Variants in EBF3 observed in about 807,000 individuals in gnomAD.
The protein encoded by EBF3 is transcription factor COE3.
EBF3 carries 18 observed loss-of-function variants against 77.1 expected under a neutral mutation model. The observed-to-expected ratio is 0.23, with a 90% CI of 0.16 to 0.35. The LOEUF (loss-of-function observed/expected upper bound fraction) is 0.35. EBF3 is among the 10% of genes least tolerant of loss of function. The pLI, the probability that EBF3 is intolerant of heterozygous loss-of-function variation, is 1.00. For synonymous variants in EBF3, 350 were observed against 343.5 expected (o/e 1.02, Z -0.21); for missense variants, 558 against 860.0 (o/e 0.65, Z 4.39).
rs1853542100 is a variant in EBF3, at chr10:129,885,899, C to T, written c.555-8050G>A. 6.6e-6 allele frequency among the ~76,000 whole-genome samples: 1 copy of T among 152,324 alleles called. No individual in the cohort carries two copies. The highest frequency in any genetic ancestry group is 1.9e-4 in the East Asian group (1 of 5,186). Reference sequence around the variant, plus strand: ...TATCCCAACTTAGGGTTTCAAGCCTCTCCCACCATACGCGTGTGTGTTTTT... The same window carrying T: ...TATCCCAACTTAGGGTTTCAAGCCTTTCCCACCATACGCGTGTGTGTTTTT... On this transcript the variant is annotated intron_variant, in intron 6 of 16. Coordinates refer to ENST00000440978, the MANE Select transcript of EBF3 (RefSeq NM_001375380.1). The surrounding 1 kb of genome is among the most constrained non-coding windows in gnomAD (Gnocchi z 4.0).
At chr10:129,949,186 A>G (rs1858469231) in intron 6 of EBF3, among the ~76,000 whole-genome samples, 1 of 152,212 alleles carries the variant, frequency 6.6e-6, no homozygotes, top group East Asian at 1.9e-4. Context: ...CTGTAATCCC[A>G]GCTACTCGGT....
intron 6 of EBF3, among the ~76,000 whole-genome samples, chr10:129,911,271 C>T (rs1014282790): frequency 2.6e-5 from 4 of 152,230 alleles, no homozygotes; most frequent in Non-Finnish European, 5.9e-5. Context: ...CCTGGCCTGA[C>T]AGGTGCAGAG....
intron 10 of EBF3, among the ~76,000 whole-genome samples, chr10:129,851,170 C>T (rs1564824828): frequency 6.6e-6 from 1 of 152,240 alleles, no homozygotes; most frequent in East Asian, 1.9e-4. Context: ...TTCAAACTGT[C>T]AGCACTGGTT....
rs1284481718 is a variant in EBF3, at chr10:129,878,837, A to AG, written c.555-989_555-988insC. 1.0e-3 allele frequency among the ~76,000 whole-genome samples: 151 copies of AG among 150,668 alleles called. 2 individuals carry two copies. In the Middle Eastern group the frequency reaches 0.01, roughly 10 times the overall value. ...AAAATCGGTCTCAAAAAAAAAAAAA[A>AG]AAAAAAAAATCTAAGAACTGATTGG... On this transcript the variant is annotated intron_variant, in intron 6 of 16. Coordinates refer to ENST00000440978, the MANE Select transcript of EBF3 (RefSeq NM_001375380.1).
At chr10:129,875,867 T>C (rs1472838346) in intron 7 of EBF3, among the ~76,000 whole-genome samples, 1 of 152,212 alleles carries the variant, frequency 6.6e-6, no homozygotes, top group African/African-American at 2.4e-5. Context: ...GGTGCCCCCC[T>C]TGTGTTCTAC....
At chr10:129,840,528 G>C in intron 14 of EBF3, 86 bp from the exon 15 acceptor site, 2 of 1,426,606 alleles carry the variant, frequency 1.4e-6, no homozygotes, top group South Asian at 2.6e-5. Flanking sequence ...CTCGGACGGG[G>C]GGGCAGGGGC....
intron 6 of EBF3, among the ~76,000 whole-genome samples, chr10:129,908,544 C>T (rs1349810861): frequency 6.6e-6 from 1 of 152,210 alleles, no homozygotes; most frequent in Non-Finnish European, 1.5e-5. Context: ...CGGGATATAC[C>T]TGAATAGGGT....
rs759116741 is a variant in EBF3, at chr10:129,873,574, T to C, written c.659A>G (p.Asn220Ser). 1.0e-5 allele frequency: 16 copies of C among 1,560,014 alleles called. No individual in the cohort carries two copies. The highest frequency in any genetic ancestry group is 9.6e-5 in the African/African-American group (7 of 72,834). Residue 220 changes from asparagine to serine, a missense_variant, in exon 8 of 17, where the codon AAC (asparagine) becomes AGC (serine). Physicochemically the swap from Asn to Ser is conservative, Grantham distance 46. This residue lies in a region of EBF3 where 112 missense variants were observed against 207.7 expected (regional missense o/e 0.54). Coordinates refer to ENST00000440978, the MANE Select transcript of EBF3 (RefSeq NM_001375380.1). ...RFQVVVSTTV[N>S]VDGHVLAVSD... ...CACGGCCAGCACGTGGCCGTCCACG[T>C]TGACTGTTGTCGATACAACAACCTG...
rs1441434797 is a variant in EBF3, at chr10:129,861,890, G to A, written c.1039+5251C>T. ...CAAGTAATTTGTTTGAGGAGCACCGGCCTGGGAGACAGCAAGCTGGGGCTG... is the reference window on the plus strand; with the variant it reads ...CAAGTAATTTGTTTGAGGAGCACCGACCTGGGAGACAGCAAGCTGGGGCTG... On this transcript the variant is annotated intron_variant, in intron 10 of 16. Coordinates refer to ENST00000440978, the MANE Select transcript of EBF3 (RefSeq NM_001375380.1). This position sits in a 1 kb window ranked among gnomAD's most constrained non-coding sequence, Gnocchi z 4.3. Among the ~76,000 whole-genome samples, 2 of 152,222 alleles carry A rather than the reference G, an allele frequency of 1.3e-5. No individual in the cohort carries two copies. The highest frequency in any genetic ancestry group is 2.9e-5 in the Non-Finnish European group (2 of 68,042).
At chr10:129,932,076 G>T (rs570626839) in intron 6 of EBF3, among the ~76,000 whole-genome samples, 1 of 152,228 alleles carries the variant, frequency 6.6e-6, no homozygotes, top group South Asian at 2.1e-4. Context: ...TCCCAGAGGA[G>T]CAGAGGTGAG....
chr10:129,893,944 C>T (rs1042437614), intron 6 of EBF3, among the ~76,000 whole-genome samples: 3 of 152,182 alleles, frequency 2.0e-5, no homozygotes, highest in African/African-American at 4.8e-5. Flanking sequence ...AGCCACCCTC[C>T]GTTTGGGGTG....
intron 6 of EBF3, among the ~76,000 whole-genome samples, chr10:129,922,768 T>C (rs1307065615): frequency 2.0e-5 from 3 of 152,214 alleles, no homozygotes; most frequent in Non-Finnish European, 4.4e-5. Flanking sequence ...GGCTGGGGGC[T>C]GACGGGACCA....
rs556220161 is a variant in EBF3 at position 129,935,984 on chromosome 10, C to A, written c.554+21274G>T. On this transcript the variant is annotated intron_variant, in intron 6 of 16. Transcript: ENST00000440978. The surrounding 1 kb of genome is among the most constrained non-coding windows in gnomAD (Gnocchi z 4.2). ...CGGGGGGCTTCCTGAAGCTGCCCCCCCCGCCCAACAATGCAGCTGGTGCCC... is the reference window on the plus strand; with the variant it reads ...CGGGGGGCTTCCTGAAGCTGCCCCCACCGCCCAACAATGCAGCTGGTGCCC... 5.0e-3 allele frequency among the ~76,000 whole-genome samples: 753 copies of A among 150,884 alleles called. 2 individuals are homozygous for A. The highest frequency in any genetic ancestry group is 0.017 in the Middle Eastern group (5 of 294).
rs1206261719 is a variant in EBF3, at chr10:129,863,058, T to G, written c.1039+4083A>C. Among the ~76,000 whole-genome samples, 1 of 152,228 alleles carries G rather than the reference T, an allele frequency of 6.6e-6. No homozygotes were observed. ...CAGCAAATATCTCATTAATTTAATT[T>G]TAGGTGCCCACCAGTTTATATTGCA... On this transcript the variant is annotated intron_variant, in intron 10 of 16. Coordinates refer to ENST00000440978, the MANE Select transcript of EBF3 (RefSeq NM_001375380.1). The surrounding 1 kb of genome is among the most constrained non-coding windows in gnomAD (Gnocchi z 4.0).
At position 129,948,273 on chromosome 10, in the gene EBF3, A is replaced by C. The variant is rs1443870003; in HGVS notation, c.554+8985T>G. ...AAACTCCGTCTCAAAAAAAAAAAAA[A>C]AAAAAAAAAAAAGCAGCAGCAGCTA... is the stretch of plus-strand genomic sequence containing the variant. On this transcript the variant is annotated intron_variant, in intron 6 of 16. Coordinates refer to ENST00000440978, the MANE Select transcript of EBF3 (RefSeq NM_001375380.1). Among the ~76,000 whole-genome samples the C allele has an allele frequency of 9.6e-5, 14 of 145,468 alleles. 1 individual carries two copies. Among genetic ancestry groups the C allele is most frequent in the African/African-American group, 2.9e-4 (12 of 40,730 alleles).
intron 6 of EBF3, among the ~76,000 whole-genome samples, chr10:129,953,636 C>T (rs1308404975): frequency 1.3e-5 from 2 of 152,244 alleles, no homozygotes; most frequent in Admixed American, 6.5e-5. Flanking sequence ...CCGCTCCCAG[C>T]GCTGCATGGA....
chr10:129,955,554 G>GGAAT (rs1272871290), intron 6 of EBF3, among the ~76,000 whole-genome samples: 1 of 152,120 alleles, frequency 6.6e-6, no homozygotes, highest in African/African-American at 2.4e-5. Flanking sequence ...CGAGAATTAA[G>GGAAT]GAATATATTT....
rs1851805424 is a variant in EBF3 at position 129,863,811 on chromosome 10, C to T, written c.1039+3330G>A. Among the ~76,000 whole-genome samples the T allele has an allele frequency of 6.6e-6, 1 of 152,208 alleles. No homozygotes were observed. Among genetic ancestry groups the T allele is most frequent in the Admixed American group, 6.5e-5 (1 of 15,280 alleles). On this transcript the variant is annotated intron_variant, in intron 10 of 16. Coordinates refer to ENST00000440978, the MANE Select transcript of EBF3 (RefSeq NM_001375380.1). The surrounding 1 kb of genome is among the most constrained non-coding windows in gnomAD (Gnocchi z 4.0). ...TCATGACCCTACCTTTCCTCTGCTC[C>T]CCAGCCTGTAGAGCCTGTATCCCTT... is the stretch of plus-strand genomic sequence containing the variant.
intron 7 of EBF3, among the ~76,000 whole-genome samples, chr10:129,875,523 C>T (rs1852713592): frequency 6.6e-6 from 1 of 152,210 alleles, no homozygotes; most frequent in Non-Finnish European, 1.5e-5. Context: ...TCTCAGACTC[C>T]ACAAGATGAT....
Sources: gnomAD v4.1 joint callset for allele counts (sites outside exome capture counted in the v4.1 genomes callset) on GRCh38, gnomAD v4.1.1 for gene constraint, gnomAD v4.1.1 regional missense constraint, Gnocchi (gnomAD v3.1) non-coding constraint, MANE v1.5 for transcripts, NCBI Gene and HGNC (gene_info 2026-07-23, HGNC 2026-07-21) for gene names.